The following CRPPA variants were observed in gnomAD, a reference collection of about 807,000 sequenced individuals.
CRPPA encodes the protein D-ribitol-5-phosphate cytidylyltransferase.
CRPPA carries 43 observed loss-of-function variants against 52.0 expected under a neutral mutation model. The ratio of observed to expected loss-of-function variants is 0.83; its 90% CI spans 0.65 to 1.07. The LOEUF is 1.07. CRPPA is among the 50% of genes least tolerant of loss of function. The probability of loss-of-function intolerance (pLI) is 0.00; values close to 1 mark genes in which losing one functional copy is unlikely to be tolerated. For missense variants in CRPPA, 629 were observed against 551.7 expected, an observed-to-expected ratio of 1.14 and a Z score of -1.40; for synonymous variants, 250 against 203.5, an observed-to-expected ratio of 1.23 and a Z score of -1.94.
intron 5 of CRPPA, among the ~76,000 whole-genome samples, chr7:16,281,107 A>G (rs947764261): frequency 6.6e-6 from 1 of 152,184 alleles, no homozygotes; most frequent in Non-Finnish European, 1.5e-5. Flanking sequence ...GGAGTCCTTC[A>G]TTGCCACATA....
intron 9 of CRPPA, among the ~76,000 whole-genome samples, chr7:16,191,698 C>A (rs1243393474): frequency 6.6e-6 from 1 of 152,168 alleles, no homozygotes; most frequent in Middle Eastern, 3.4e-3. Flanking sequence ...AAATGTGCTA[C>A]CCCAAGGTAT....
intron 1 of CRPPA, among the ~76,000 whole-genome samples, chr7:16,415,601 T>C (rs1164407426): frequency 1.3e-5 from 2 of 152,334 alleles, no homozygotes; most frequent in East Asian, 1.9e-4. Context: ...CGTATAACTT[T>C]AATCATCTTA....
At position 16,286,080 on chromosome 7, in the gene CRPPA, TAATATTTAAAAAAAAAA is replaced by T. The variant is rs1484352351; in HGVS notation, c.836-7871_836-7855del. On this transcript the variant is annotated intron_variant, in intron 5 of 9. Coordinates refer to ENST00000407010, the MANE Select transcript of CRPPA (RefSeq NM_001101426.4). ...ATATATATATATATATATATATATATAATATTTAAAAAAAAAAATATATATATATATATATATGCCAA... is the reference window on the plus strand; with the variant it reads ...ATATATATATATATATATATATATATATATATATATATATATATATGCCAA... Among the ~76,000 whole-genome samples the T allele has an allele frequency of 2.2e-3, 39 of 17,486 alleles. 5 individuals are homozygous for T. The highest frequency in any genetic ancestry group is 0.012 in the African/African-American group (26 of 2,126). The allele number at this position is 17,486 out of a possible 152,430, so 11.5% of individuals were successfully genotyped here. A position where few individuals can be genotyped will look rare whatever the true frequency, so the allele number is the denominator to read the frequency against.
At chr7:16,410,027 G>A (rs565581802) in intron 1 of CRPPA, among the ~76,000 whole-genome samples, 10 of 152,216 alleles carry the variant, frequency 6.6e-5, no homozygotes, top group Middle Eastern at 3.4e-3. Flanking sequence ...AAACAAAGGA[G>A]GCTCTCATTA....
At chr7:16,197,507 T>TG (rs1781764904) in intron 9 of CRPPA, among the ~76,000 whole-genome samples, 1 of 140,146 alleles carries the variant, frequency 7.1e-6, no homozygotes, top group Non-Finnish European at 1.5e-5. Context: ...TTGCGCAGCA[T>TG]TTTTTTTTTT....
intron 9 of CRPPA, among the ~76,000 whole-genome samples, chr7:16,149,142 T>C (rs1242773481): frequency 1.3e-5 from 2 of 152,172 alleles, no homozygotes; most frequent in African/African-American, 4.8e-5. Flanking sequence ...TGAATATACA[T>C]ATGGTTTGTT....
chr7:16,346,195 G>T lies in CRPPA; in HGVS notation c.684+29897C>A, dbSNP rs144245707. Among the ~76,000 whole-genome samples, 294 of 152,182 alleles carry T rather than the reference G, an allele frequency of 1.9e-3. 1 individual carries two copies. The highest frequency in any genetic ancestry group is 6.8e-3 in the African/African-American group (281 of 41,520). ...AGGATGACACAGTGAACAAGATAAAGTCCCTGCCTTTGTGGACTGCATATT... is the reference window on the plus strand; with the variant it reads ...AGGATGACACAGTGAACAAGATAAATTCCCTGCCTTTGTGGACTGCATATT... On this transcript the variant is annotated intron_variant, in intron 3 of 9. Coordinates refer to ENST00000407010, the MANE Select transcript of CRPPA (RefSeq NM_001101426.4).
intron 9 of CRPPA, among the ~76,000 whole-genome samples, chr7:16,153,278 A>G (rs1783111157): frequency 6.6e-6 from 1 of 152,100 alleles, no homozygotes; most frequent in Non-Finnish European, 1.5e-5. Context: ...CACAACATAA[A>G]TCAAGGGTCA....
intron 8 of CRPPA, among the ~76,000 whole-genome samples, chr7:16,226,293 A>C (rs995547662): frequency 6.6e-6 from 1 of 151,988 alleles, no homozygotes; most frequent in African/African-American, 2.4e-5. Context: ...AGAAATGTAA[A>C]AAGAATGACC....
intron 3 of CRPPA, among the ~76,000 whole-genome samples, chr7:16,346,052 A>G (rs1250495441): frequency 2.6e-5 from 4 of 152,186 alleles, no homozygotes; most frequent in Non-Finnish European, 5.9e-5. Context: ...ACACTGGAAA[A>G]GATAATTTTA....
chr7:16,099,637 A>G (rs1393204540), intron 9 of CRPPA, among the ~76,000 whole-genome samples: 3 of 152,188 alleles, frequency 2.0e-5, no homozygotes, highest in Non-Finnish European at 4.4e-5. Context: ...CAGTGCTCAG[A>G]GCCAGATTGC....
At chr7:16,236,587 G>T (rs562618042) in intron 8 of CRPPA, among the ~76,000 whole-genome samples, 1 of 152,020 alleles carries the variant, frequency 6.6e-6, no homozygotes, top group East Asian at 1.9e-4. Context: ...AACAGTTCAG[G>T]CTTTCCAAAA....
chr7:16,236,414 A>G (rs1185601150), intron 8 of CRPPA, among the ~76,000 whole-genome samples: 2 of 152,138 alleles, frequency 1.3e-5, no homozygotes, highest in Admixed American at 6.6e-5. Flanking sequence ...TAAGTTCCAT[A>G]ATTCCATAAA....
rs536634308 is a variant in CRPPA, at chr7:16,412,325, C to T, written c.258-5988G>A. 7.8e-4 allele frequency among the ~76,000 whole-genome samples: 118 copies of T among 152,222 alleles called. 1 individual carries two copies. In the South Asian group the frequency reaches 8.7e-3, roughly 11 times the overall value. On this transcript the variant is annotated intron_variant, in intron 1 of 9. Transcript: ENST00000407010. ...GAAATAGAACAGAAAAATTAAAATG[C>T]GTAGCACAGAGATAGGTTGTTTGCA...
intron 8 of CRPPA, among the ~76,000 whole-genome samples, chr7:16,234,756 A>G (rs1451431674): frequency 2.0e-5 from 3 of 152,090 alleles, no homozygotes; most frequent in Non-Finnish European, 4.4e-5. Flanking sequence ...ATGTTTCTGA[A>G]TATCTACACA....
chr7:16,142,663 T>C (rs1782895802), intron 9 of CRPPA, among the ~76,000 whole-genome samples: 1 of 152,220 alleles, frequency 6.6e-6, no homozygotes. Context: ...TCATAGCCTA[T>C]TGAAAATGCA....
chr7:16,276,630 G>A (rs1208511647), intron 6 of CRPPA: 6 of 152,204 alleles, frequency 3.9e-5, no homozygotes, highest in African/African-American at 1.2e-4. Context: ...GTGCCCATGA[G>A]CCCTCACTAG....
intron 1 of CRPPA, among the ~76,000 whole-genome samples, chr7:16,415,241 A>T (rs1788166566): frequency 6.6e-6 from 1 of 152,198 alleles, no homozygotes; most frequent in South Asian, 2.1e-4. Flanking sequence ...TCAATTCACA[A>T]AATGGATTTT....
intron 2 of CRPPA, among the ~76,000 whole-genome samples, chr7:16,401,999 A>G (rs1787827921): frequency 1.3e-5 from 2 of 152,238 alleles, no homozygotes; most frequent in African/African-American, 4.8e-5. Context: ...CTTTCAGTTA[A>G]CAAGAGGCTT....
Sources: gnomAD v4.1 joint callset for allele counts (sites outside exome capture counted in the v4.1 genomes callset) on GRCh38, gnomAD v4.1.1 for gene constraint, MANE v1.5 for transcripts, NCBI Gene and HGNC (gene_info 2026-07-23, HGNC 2026-07-21) for gene names.